SLC2A14: variants seen among roughly 807,000 people sequenced by gnomAD.
SLC2A14 encodes solute carrier family 2 member 14, also known as solute carrier family 2, facilitated glucose transporter member 14.
A neutral mutation model predicts 43.0 loss-of-function variants in SLC2A14; 13 were observed. The ratio of observed to expected loss-of-function variants is 0.30; its 90% CI spans 0.20 to 0.48. The LOEUF is 0.48. Among genes scored for constraint, SLC2A14 ranks in the 20% least tolerant of loss-of-function variants. The pLI is 0.99. For missense variants in SLC2A14, 428 were observed against 620.4 expected, an observed-to-expected ratio of 0.69 and a Z score of 3.29; for synonymous variants, 190 against 233.8, an observed-to-expected ratio of 0.81 and a Z score of 1.71.
At chr12:7,832,961 A>C (rs1865157986) in intron 2 of SLC2A14, 147 bp from the exon 3 acceptor site, 1 of 680,180 alleles carries the variant, frequency 1.5e-6, no homozygotes, top group African/African-American at 1.8e-5. Flanking sequence ...TTAGGTAATT[A>C]ATCGGGAAGA....
In SLC2A14 at chr12:7,826,935, C is replaced by T. The variant is rs28417841; in HGVS notation, c.864+560G>A. 8.5e-5 allele frequency among the ~76,000 whole-genome samples: 11 copies of T among 129,268 alleles called. 1 individual carries two copies. Among genetic ancestry groups the T allele is most frequent in the Non-Finnish European group, 1.6e-4 (10 of 61,496 alleles). The allele number at this position is 129,268 out of a possible 152,430, so 84.8% of individuals were successfully genotyped here. ...TTTCTTTTTCCTTTTTCTTTCCTTT[C>T]CTTTCCTTTCTTTCCTTTCTTCTCT... is the stretch of plus-strand genomic sequence containing the variant. On this transcript the variant is annotated intron_variant, in intron 7 of 10. Coordinates refer to ENST00000431042, the MANE Select transcript of SLC2A14 (RefSeq NM_001286234.2).
intron 2 of SLC2A14, among the ~76,000 whole-genome samples, chr12:7,845,445 G>A (rs755043847): frequency 8.5e-5 from 13 of 152,194 alleles, no homozygotes; most frequent in South Asian, 4.1e-4. Flanking sequence ...ATTGTGGTCC[G>A]GGGACCAGCA....
intron 1 of SLC2A14, chr12:7,872,598 G>C: frequency 3.8e-6 from 1 of 260,762 alleles, no homozygotes; most frequent in Non-Finnish European, 6.0e-6. Flanking sequence ...CACCTAGAGC[G>C]GAGCCCAGGA....
At chr12:7,817,688 C>G in intron 10 of SLC2A14, 143 bp downstream of exon 10, 1 of 1,000,594 alleles carries the variant, frequency 1.0e-6, no homozygotes, top group Admixed American at 3.0e-5. Context: ...AATCGCTTGT[C>G]AGTGAGCTGA....
intron 2 of SLC2A14, among the ~76,000 whole-genome samples, chr12:7,841,989 G>C (rs1480795349): frequency 1.3e-5 from 2 of 150,182 alleles, no homozygotes; most frequent in African/African-American, 4.9e-5. Context: ...TGGGCAACAA[G>C]AGCGAAACTC....
intron 2 of SLC2A14, among the ~76,000 whole-genome samples, chr12:7,864,692 T>G (rs1258586001): frequency 1.3e-5 from 2 of 152,194 alleles, no homozygotes; most frequent in East Asian, 1.9e-4. Flanking sequence ...CACTTGTTTA[T>G]GTAATGAACG....
chr12:7,874,725 TAAAAAATATATA>T (rs1315306052), upstream of SLC2A14, among the ~76,000 whole-genome samples: 16 of 129,640 alleles, frequency 1.2e-4, no homozygotes, highest in Admixed American at 8.6e-4. Flanking sequence ...TATAAATATA[TAAAAAATATATA>T]AAAATATATA....
At chr12:7,855,059 C>T (rs979496166) in intron 2 of SLC2A14, among the ~76,000 whole-genome samples, 2 of 152,022 alleles carry the variant, frequency 1.3e-5, no homozygotes, top group Non-Finnish European at 2.9e-5. Context: ...CCACCCACCT[C>T]GGCCTCCCAA....
intron 2 of SLC2A14, among the ~76,000 whole-genome samples, chr12:7,847,412 A>C (rs1866560544): frequency 1.3e-5 from 2 of 152,158 alleles, no homozygotes. Context: ...CATGTTTAAG[A>C]ATCATGAGAC....
In SLC2A14 at chr12:7,883,589, TC is replaced by T. The variant is rs1453470633; in HGVS notation, c.132+7406del. Among the ~76,000 whole-genome samples the T allele has an allele frequency of 2.5e-3, 318 of 129,112 alleles. 3 individuals are homozygous for T. The highest frequency in any genetic ancestry group is 9.1e-3 in the African/African-American group (307 of 33,668). 84.7% of individuals were successfully genotyped at this position (129,112 alleles called of 152,430 possible). ...CCTCTTTTTCTTTTTCTTTTTCTTT[TC>T]TTTTTTTTTTTTTTTTTTTTTTTGA... On this transcript the variant is annotated intron_variant, in intron 1 of 9. Coordinates refer to the SLC2A14 transcript ENST00000539924.
intron 2 of SLC2A14, among the ~76,000 whole-genome samples, chr12:7,857,805 C>T (rs1217204225): frequency 6.6e-6 from 1 of 152,004 alleles, no homozygotes; most frequent in Non-Finnish European, 1.5e-5. Flanking sequence ...GGATTACAGG[C>T]AGGTGCTGCT....
chr12:7,818,086 G>A (rs774156440), intron 9 of SLC2A14, 52 bp from the exon 10 acceptor site: 25 of 1,547,318 alleles, frequency 1.6e-5, no homozygotes, highest in Admixed American at 1.0e-4. Flanking sequence ...TGTAACCCAG[G>A]ATCTAGGTTC....
At chr12:7,834,699 A>T (rs1315994678) in intron 2 of SLC2A14, among the ~76,000 whole-genome samples, 1 of 147,814 alleles carries the variant, frequency 6.8e-6, no homozygotes, top group South Asian at 2.2e-4. Context: ...TGGGCAACAG[A>T]GTGAGACCCT....
intron 1 of SLC2A14, among the ~76,000 whole-genome samples, chr12:7,881,361 C>CCGCACT (rs1432266708): frequency 6.6e-6 from 1 of 151,892 alleles, no homozygotes; most frequent in Non-Finnish European, 1.5e-5. Context: ...TCGGCGGGCC[C>CCGCACT]CGCACTCGGA....
intron 2 of SLC2A14, among the ~76,000 whole-genome samples, chr12:7,850,002 G>A (rs1592246753): frequency 6.6e-6 from 1 of 150,996 alleles, no homozygotes; most frequent in South Asian, 2.1e-4. Flanking sequence ...TTACAATGTG[G>A]TGCTGGAGGG....
At chr12:7,880,475 CAA>C (rs112149113) in intron 1 of SLC2A14, among the ~76,000 whole-genome samples, 1 of 145,602 alleles carries the variant, frequency 6.9e-6, no homozygotes, top group African/African-American at 2.5e-5. Context: ...ACTCTTGTCT[CAA>C]AAAAAAAAAA....
chr12:7,843,723 G>C (rs894412927), intron 2 of SLC2A14, among the ~76,000 whole-genome samples: 1 of 148,730 alleles, frequency 6.7e-6, no homozygotes, highest in Admixed American at 6.7e-5. Context: ...GTGACCCAGG[G>C]TTTCCGCTTC....
At chr12:7,849,098 G>A (rs1866710968) in intron 2 of SLC2A14, among the ~76,000 whole-genome samples, 1 of 151,880 alleles carries the variant, frequency 6.6e-6, no homozygotes, top group African/African-American at 2.4e-5. Context: ...AGGGTAGTCA[G>A]CCCACCTCCG....
intron 1 of SLC2A14, among the ~76,000 whole-genome samples, chr12:7,884,955 T>C (rs1026582482): frequency 2.8e-4 from 43 of 152,186 alleles, no homozygotes; most frequent in Non-Finnish European, 5.0e-4. Flanking sequence ...ATTTTTTTTT[T>C]CCTCATATTT....
Sources: allele counts gnomAD v4.1 joint callset (sites outside exome capture counted in the v4.1 genomes callset), GRCh38; gene constraint gnomAD v4.1.1; transcripts MANE v1.5; gene names NCBI Gene and HGNC (gene_info 2026-07-23, HGNC 2026-07-21).